Variants in PHLPP1 observed in about 807,000 individuals in gnomAD.
PHLPP1 encodes PH domain and leucine rich repeat protein phosphatase 1.
PHLPP1 carries 42 observed loss-of-function variants against 117.2 expected under a neutral mutation model. That is an observed-to-expected ratio of 0.36 (90% CI 0.28 to 0.46). The LOEUF (loss-of-function observed/expected upper bound fraction) is 0.46. Among genes scored for constraint, PHLPP1 ranks in the 20% least tolerant of loss-of-function variants. PHLPP1 has a pLI of 1.00. For synonymous variants in PHLPP1, 1,042 were observed against 970.7 expected, an observed-to-expected ratio of 1.07 and a Z score of -1.37; for missense variants, 2,084 against 2,241.9, an observed-to-expected ratio of 0.93 and a Z score of 1.42.
At chr18:62,821,673 C>A (rs1599065220) in intron 1 of PHLPP1, among the ~76,000 whole-genome samples, 1 of 150,530 alleles carries the variant, frequency 6.6e-6, no homozygotes, top group Non-Finnish European at 1.5e-5. Flanking sequence ...AGATAGAAGA[C>A]TCAAGTTACC....
Position 62,768,126 on chromosome 18 carries a change from A to G in PHLPP1, c.1576+50867A>G, listed in dbSNP as rs1912615608. Among the ~76,000 whole-genome samples, 3 of 152,260 alleles carry G rather than the reference A, an allele frequency of 2.0e-5. No individual in the cohort carries two copies. In the South Asian group the frequency reaches 6.2e-4, roughly 31 times the overall value. On this transcript the variant is annotated intron_variant, in intron 1 of 16. Transcript: ENST00000262719. ...TTCATTGACACTGAATTTAATTTAT[A>G]TCTTAGAAACTATCCAGAGAAGTCT...
At chr18:62,959,211 A>T (rs951851974) in intron 13 of PHLPP1, among the ~76,000 whole-genome samples, 2 of 152,244 alleles carry the variant, frequency 1.3e-5, no homozygotes, top group Non-Finnish European at 1.5e-5. Context: ...AGTAGGAAAG[A>T]TGTCTTAATG....
At chr18:62,724,177 A>G (rs1911002798) in intron 1 of PHLPP1, among the ~76,000 whole-genome samples, 1 of 152,208 alleles carries the variant, frequency 6.6e-6, no homozygotes, top group Admixed American at 6.5e-5. Context: ...AAAATTCAGC[A>G]TGCCAGAGAT....
chr18:62,856,479 G>C (rs1003955352), intron 3 of PHLPP1, among the ~76,000 whole-genome samples: 6 of 152,176 alleles, frequency 3.9e-5, no homozygotes, highest in African/African-American at 1.4e-4. Context: ...CCAGGCTGGA[G>C]TGCAGTGGTG....
chr18:62,734,782 A>G (rs1296040647), intron 1 of PHLPP1, among the ~76,000 whole-genome samples: 2 of 152,240 alleles, frequency 1.3e-5, no homozygotes, highest in Non-Finnish European at 2.9e-5. Context: ...GAAAATTTTT[A>G]CAGAGACTTC....
At chr18:62,899,565 A>T (rs899040868) in intron 6 of PHLPP1, among the ~76,000 whole-genome samples, 8 of 152,238 alleles carry the variant, frequency 5.3e-5, no homozygotes, top group Admixed American at 2.6e-4. Context: ...CACTTACCAC[A>T]TACCTGTAGT....
intron 14 of PHLPP1, among the ~76,000 whole-genome samples, chr18:62,970,907 C>T (rs1184749693): frequency 6.6e-6 from 1 of 152,152 alleles, no homozygotes; most frequent in African/African-American, 2.4e-5. Context: ...TTTTCCATTT[C>T]TTTAGTGCCA....
intron 10 of PHLPP1, among the ~76,000 whole-genome samples, chr18:62,935,187 G>A (rs1909934825): frequency 6.6e-6 from 1 of 152,122 alleles, no homozygotes; most frequent in African/African-American, 2.4e-5. Context: ...CAAAGTAGCA[G>A]GGATATAAAG....
At chr18:62,747,528 T>C (rs916748653) in intron 1 of PHLPP1, among the ~76,000 whole-genome samples, 2 of 151,562 alleles carry the variant, frequency 1.3e-5, no homozygotes, top group African/African-American at 2.4e-5. Context: ...CTCCCCTTCC[T>C]TCGCTTCCTT....
intron 12 of PHLPP1, among the ~76,000 whole-genome samples, chr18:62,951,138 C>T (rs527542382): frequency 8.0e-4 from 121 of 152,182 alleles, no homozygotes; most frequent in African/African-American, 2.7e-3. Context: ...CCCGCCACCA[C>T]GCCCGGCTAT....
chr18:62,852,633 A>T (rs535776780), intron 3 of PHLPP1, among the ~76,000 whole-genome samples: 3 of 152,142 alleles, frequency 2.0e-5, no homozygotes, highest in African/African-American at 7.2e-5. Context: ...GTGAGCCACC[A>T]TGCCCGGCAG....
chr18:62,765,822 C>T (rs1275441178), intron 1 of PHLPP1, among the ~76,000 whole-genome samples: 2 of 151,400 alleles, frequency 1.3e-5, no homozygotes, highest in African/African-American at 4.9e-5. Context: ...GGTGAAACCC[C>T]GTCTGTACTA....
At chr18:62,821,418 A>G (rs1914450148) in intron 1 of PHLPP1, among the ~76,000 whole-genome samples, 1 of 152,024 alleles carries the variant, frequency 6.6e-6, no homozygotes, top group Non-Finnish European at 1.5e-5. Context: ...GCATAATGGC[A>G]TATGCCTGTA....
At chr18:62,823,398 C>T (rs1381987555) in intron 1 of PHLPP1, among the ~76,000 whole-genome samples, 3 of 151,536 alleles carry the variant, frequency 2.0e-5, no homozygotes, top group Admixed American at 6.6e-5. Context: ...CCTGTCTCTA[C>T]AAAAAATAGA....
chr18:62,781,549 A>C (rs1012582856), intron 1 of PHLPP1, among the ~76,000 whole-genome samples: 5 of 151,830 alleles, frequency 3.3e-5, no homozygotes, highest in Non-Finnish European at 7.4e-5. Flanking sequence ...GCTCACCTTC[A>C]CTTGTGAGAG....
At chr18:62,943,144 C>T (rs368000095) in intron 11 of PHLPP1, among the ~76,000 whole-genome samples, 13 of 152,234 alleles carry the variant, frequency 8.5e-5, no homozygotes, top group African/African-American at 2.2e-4. Flanking sequence ...CCCAGTGACC[C>T]GTGCCAGGTG....
chr18:62,897,638 C>T (rs140775076), intron 6 of PHLPP1, among the ~76,000 whole-genome samples: 1 of 152,114 alleles, frequency 6.6e-6, no homozygotes, highest in Non-Finnish European at 1.5e-5. Flanking sequence ...TCCCGAGTAG[C>T]TGGGATTACA....
intron 14 of PHLPP1, among the ~76,000 whole-genome samples, chr18:62,965,799 C>T (rs1910883646): frequency 6.8e-6 from 1 of 146,706 alleles, no homozygotes; most frequent in African/African-American, 2.5e-5. Context: ...GGAAACTTCA[C>T]CAGAAAAGAA....
chr18:62,760,940 A>G (rs925254706), intron 1 of PHLPP1, among the ~76,000 whole-genome samples: 27 of 152,222 alleles, frequency 1.8e-4, no homozygotes, highest in African/African-American at 6.3e-4. Flanking sequence ...GCTCACTGCC[A>G]TCTCGACTCT....
Sources: gnomAD v4.1 joint callset for allele counts (sites outside exome capture counted in the v4.1 genomes callset) on GRCh38, gnomAD v4.1.1 for gene constraint, MANE v1.5 for transcripts, NCBI Gene and HGNC (gene_info 2026-07-23, HGNC 2026-07-21) for gene names.